The following ERGIC1 variants were observed in gnomAD, a reference collection of about 807,000 sequenced individuals.
ERGIC1 encodes the protein endoplasmic reticulum-Golgi intermediate compartment protein 1.
A neutral mutation model predicts 38.3 loss-of-function variants in ERGIC1; 19 were observed. That is an observed-to-expected ratio of 0.50 (90% CI 0.35 to 0.73). The LOEUF is 0.73. Ranked by LOEUF, ERGIC1 falls within the 30% of genes least tolerant of loss-of-function variation. The pLI is 0.01. For synonymous variants in ERGIC1, 124 were observed against 157.6 expected (o/e 0.79, Z 1.60); for missense variants, 294 against 389.2 (o/e 0.76, Z 2.06).
intron 5 of ERGIC1, chr5:172,917,775 C>T (rs1195861732): frequency 1.3e-5 from 2 of 152,194 alleles, no homozygotes; most frequent in African/African-American, 2.4e-5. Context: ...ATTAGCAGTG[C>T]CTGGGACCTC....
chr5:172,854,242 C>G (rs936037297), intron 1 of ERGIC1, among the ~76,000 whole-genome samples: 110 of 151,694 alleles, frequency 7.3e-4, no homozygotes, highest in Admixed American at 2.6e-3. Flanking sequence ...ATTAGCTGGG[C>G]ATGGTGGCCT....
intron 6 of ERGIC1, among the ~76,000 whole-genome samples, chr5:172,924,501 T>C (rs1763606793): frequency 6.6e-6 from 1 of 152,044 alleles, no homozygotes. Flanking sequence ...GTGGGGTGTG[T>C]GGGGTGCGAG....
rs1200227461 is a variant in ERGIC1, at chr5:172,834,577, C to T, written c.20+144C>T. 4.8e-6 allele frequency: 3 copies of T among 630,824 alleles called. No homozygotes were observed. The highest frequency in any genetic ancestry group is 5.9e-6 in the Non-Finnish European group (3 of 504,988). The allele number at this position is 630,824 out of a possible 1,614,324, so 39.1% of individuals were successfully genotyped here. The stretch of plus-strand genomic sequence containing the variant: ...TCCGCAGGCCCCTAGGGACCCCAGG[C>T]GAGCCCCCCCCCTGCCGCACACGAA... On this transcript the variant is annotated intron_variant, in intron 1 of 9. Transcript: ENST00000393784. The surrounding 1 kb of genome is among the most constrained non-coding windows in gnomAD (Gnocchi z 4.1).
At chr5:172,875,538 A>T (rs1762122728) in intron 1 of ERGIC1, among the ~76,000 whole-genome samples, 1 of 151,970 alleles carries the variant, frequency 6.6e-6, no homozygotes, top group African/African-American at 2.4e-5. Flanking sequence ...GGAGGCTGGG[A>T]AAGTGAAAGT....
intron 2 of ERGIC1, among the ~76,000 whole-genome samples, chr5:172,890,359 C>T (rs1309373349): frequency 1.3e-5 from 2 of 152,168 alleles, no homozygotes; most frequent in Admixed American, 6.5e-5. Context: ...GATGAAAATG[C>T]AAAGTGGACT....
rs186456087 is a variant in ERGIC1, at chr5:172,847,566, T to C, written c.20+13133T>C. ...GTCTTGCTCTGTCGCCAGGCTGGAGTGCAGTGGCATGATCTCGGCTCACTG... is the reference window on the plus strand; with the variant it reads ...GTCTTGCTCTGTCGCCAGGCTGGAGCGCAGTGGCATGATCTCGGCTCACTG... On this transcript the variant is annotated intron_variant, in intron 1 of 9. Coordinates refer to ENST00000393784, the MANE Select transcript of ERGIC1 (RefSeq NM_001031711.3). Among the ~76,000 whole-genome samples, 333 of 152,234 alleles carry C rather than the reference T, an allele frequency of 2.2e-3. 14 individuals carry two copies. In the South Asian group the frequency reaches 0.057, roughly 26 times the overall value.
chr5:172,850,565 C>G (rs1761379317), intron 1 of ERGIC1, among the ~76,000 whole-genome samples: 1 of 152,102 alleles, frequency 6.6e-6, no homozygotes, highest in African/African-American at 2.4e-5. Context: ...GGGTGCTGAT[C>G]CTAGTGCTCC....
intron 1 of ERGIC1, among the ~76,000 whole-genome samples, chr5:172,847,990 G>A (rs1761319258): frequency 6.6e-6 from 1 of 152,258 alleles, no homozygotes; most frequent in South Asian, 2.1e-4. Flanking sequence ...GGTGCCTGGT[G>A]AAGTTGCTGG....
intron 3 of ERGIC1, among the ~76,000 whole-genome samples, chr5:172,903,418 A>G (rs1234528835): frequency 1.3e-5 from 2 of 152,050 alleles, no homozygotes; most frequent in Admixed American, 1.3e-4. Context: ...CTTTTCACCG[A>G]TTCCCATCCC....
chr5:172,872,987 C>G (rs533098639), intron 1 of ERGIC1, among the ~76,000 whole-genome samples: 5 of 152,346 alleles, frequency 3.3e-5, no homozygotes, highest in Non-Finnish European at 5.9e-5. Flanking sequence ...CCCTCCTAAA[C>G]TTAAAAACAC....
chr5:172,851,434 C>T (rs940519056), intron 1 of ERGIC1, among the ~76,000 whole-genome samples: 8 of 150,976 alleles, frequency 5.3e-5, no homozygotes, highest in African/African-American at 1.7e-4. Context: ...GCTTCAACCC[C>T]GGAGGCAGAG....
chr5:172,940,740 G>A (rs1763993399), intron 9 of ERGIC1, among the ~76,000 whole-genome samples: 1 of 152,186 alleles, frequency 6.6e-6, no homozygotes, highest in Non-Finnish European at 1.5e-5. Flanking sequence ...CCTTGGCCAG[G>A]GCTTAACCTG....
At chr5:172,892,954 G>C (rs1002946183) in intron 2 of ERGIC1, among the ~76,000 whole-genome samples, 6 of 152,124 alleles carry the variant, frequency 3.9e-5, no homozygotes, top group African/African-American at 1.4e-4. Flanking sequence ...CTGCTGGGCT[G>C]ACCAGGCTTA....
chr5:172,848,729 G>A (rs1380595460), intron 1 of ERGIC1, among the ~76,000 whole-genome samples: 1 of 152,234 alleles, frequency 6.6e-6, no homozygotes, highest in Non-Finnish European at 1.5e-5. Flanking sequence ...AGAGAGACAG[G>A]GAGGAAGGGT....
chr5:172,869,393 C>G (rs1419592594), intron 1 of ERGIC1, among the ~76,000 whole-genome samples: 1 of 152,228 alleles, frequency 6.6e-6, no homozygotes, highest in Non-Finnish European at 1.5e-5. Flanking sequence ...AGCCAGCACA[C>G]TGAAGTCGCT....
At chr5:172,928,804 A>G (rs1481505888) in intron 7 of ERGIC1, among the ~76,000 whole-genome samples, 1 of 152,166 alleles carries the variant, frequency 6.6e-6, no homozygotes, top group Admixed American at 6.5e-5. Flanking sequence ...GGTCTTGGGA[A>G]AGTCATTTAA....
intron 4 of ERGIC1, 58 bp from the exon 5 acceptor site, chr5:172,914,656 G>A (rs1763307006): frequency 6.2e-7 from 1 of 1,613,126 alleles, no homozygotes; most frequent in African/African-American, 1.3e-5. Flanking sequence ...GAACAGGCTG[G>A]CCCCCATCCT....
chr5:172,859,476 G>T (rs144255478), intron 1 of ERGIC1, among the ~76,000 whole-genome samples: 213 of 144,470 alleles, frequency 1.5e-3, no homozygotes, highest in African/African-American at 5.1e-3. Context: ...TTTGCTTCCA[G>T]ACTGAAGGGT....
intron 1 of ERGIC1, among the ~76,000 whole-genome samples, chr5:172,855,149 C>T (rs931520689): frequency 6.6e-6 from 1 of 152,198 alleles, no homozygotes; most frequent in African/African-American, 2.4e-5. Context: ...ACTGCACCAC[C>T]TACCACCTCC....
Sources: gnomAD v4.1 joint callset for allele counts (sites outside exome capture counted in the v4.1 genomes callset) on GRCh38, gnomAD v4.1.1 for gene constraint, Gnocchi (gnomAD v3.1) non-coding constraint, MANE v1.5 for transcripts, NCBI Gene and HGNC (gene_info 2026-07-23, HGNC 2026-07-21) for gene names.